The following TUB variants were observed in gnomAD, a reference collection of about 807,000 sequenced individuals.
TUB encodes tubby protein homolog.
A neutral mutation model predicts 59.7 loss-of-function variants in TUB; 33 were observed. The ratio of observed to expected loss-of-function variants is 0.55; its 90% CI spans 0.42 to 0.74. The LOEUF (loss-of-function observed/expected upper bound fraction) is 0.74, where lower values mean the gene tolerates loss of function less well. TUB is among the 30% of genes least tolerant of loss of function. The probability of loss-of-function intolerance (pLI) is 0.00; values close to 1 mark genes in which losing one functional copy is unlikely to be tolerated. For synonymous variants in TUB, 293 were observed against 256.4 expected (o/e 1.14, Z -1.36); for missense variants, 659 against 672.0 (o/e 0.98, Z 0.21).
chr11:8,041,656 C>A (rs966899573), intron 2 of TUB, among the ~76,000 whole-genome samples: 1 of 152,122 alleles, frequency 6.6e-6, no homozygotes, highest in East Asian at 1.9e-4. Flanking sequence ...TTCATAGAGA[C>A]CTCAGGCCCC....
chr11:8,089,546 G>A (rs1943731351), intron 1 of TUB, 64 bp from the exon 2 acceptor site: 1 of 1,593,320 alleles, frequency 6.3e-7, no homozygotes, highest in Non-Finnish European at 8.6e-7. Context: ...CTGGGGGTGG[G>A]CTCTGGGCTG....
At chr11:8,027,194 A>T (rs1942511726) in intron 1 of TUB, among the ~76,000 whole-genome samples, 1 of 152,240 alleles carries the variant, frequency 6.6e-6, no homozygotes, top group African/African-American at 2.4e-5. Context: ...GTATTGTGCA[A>T]CCATCACCAC....
rs144017550 is a variant in TUB, at chr11:8,061,018, C to T, written c.203+21326C>T. ...GTTTGCCCCTGCCTGCTGGCTGGCT[C>T]GTCCCCAGCCCCAGGCATCAGGGTG... On this transcript the variant is annotated intron_variant, in intron 2 of 12. Coordinates refer to the TUB transcript ENST00000305253. Among the ~76,000 whole-genome samples the T allele has an allele frequency of 5.6e-3, 847 of 152,306 alleles. 4 individuals are homozygous for T. Among genetic ancestry groups the T allele is most frequent in the African/African-American group, 0.019 (782 of 41,570 alleles).
At chr11:8,089,477 A>T in intron 1 of TUB, 133 bp from the exon 2 acceptor site, 1 of 1,069,848 alleles carries the variant, frequency 9.3e-7, no homozygotes. Context: ...TCCTTCTACC[A>T]TGTGGGCTCA....
intron 2 of TUB, among the ~76,000 whole-genome samples, chr11:8,046,880 A>G (rs140895929): frequency 0.014 from 2,076 of 152,334 alleles, 55 homozygotes; most frequent in African/African-American, 0.047. Context: ...TGGGCCACAC[A>G]TAAAATACAC....
chr11:8,039,488 C>T (rs766170203), intron 1 of TUB: 18 of 588,650 alleles, frequency 3.1e-5, no homozygotes, highest in Non-Finnish European at 4.7e-5. Context: ...TATGGAAGTC[C>T]CTCTACCCTG....
rs562418748 is a variant in TUB at position 8,043,112 on chromosome 11, GGT to G, written c.203+3424_203+3425del. On this transcript the variant is annotated intron_variant, in intron 2 of 12. Transcript: ENST00000305253. ...ATCATTTTGAGTTAATTTTGTTATTGGTGTGAGGTAGGGGTCCCAACTCATTC... is the reference window on the plus strand; with the variant it reads ...ATCATTTTGAGTTAATTTTGTTATTGGTGAGGTAGGGGTCCCAACTCATTC... Among the ~76,000 whole-genome samples the G allele has an allele frequency of 3.0e-3, 452 of 152,162 alleles. 3 individuals carry two copies. Among genetic ancestry groups the G allele is most frequent in the African/African-American group, 0.01 (418 of 41,526 alleles).
intron 9 of TUB, among the ~76,000 whole-genome samples, chr11:8,099,196 C>T (rs1944145132): frequency 6.6e-6 from 1 of 152,128 alleles, no homozygotes; most frequent in Non-Finnish European, 1.5e-5. Flanking sequence ...CAGATCATCC[C>T]TCTGGCATGC....
In TUB at chr11:8,092,964, AT is replaced by A. The variant is rs564719815; in HGVS notation, c.254-1080del. 1.6e-3 allele frequency among the ~76,000 whole-genome samples: 248 copies of A among 152,222 alleles called. 2 individuals carry two copies. Among genetic ancestry groups the A allele is most frequent in the Middle Eastern group, 6.8e-3 (2 of 294 alleles). ...CTATACTCATTCATGTTACACATTC[AT>A]TCAGTTCTTAAATATTTATTGAGGT... On this transcript the variant is annotated intron_variant, in intron 3 of 11. Coordinates refer to ENST00000299506, the MANE Select transcript of TUB (RefSeq NM_177972.3).
chr11:8,089,923 G>A lies in TUB; in HGVS notation c.91-146G>A, dbSNP rs868188740. Reference sequence around the variant, plus strand: ...CTGCCAGGGCAGCCACCTGGGCCCTGTTTTGCCTCCCTTTCCTGGACCCCA... The same window carrying A: ...CTGCCAGGGCAGCCACCTGGGCCCTATTTTGCCTCCCTTTCCTGGACCCCA... On this transcript the variant is annotated intron_variant, in intron 2 of 11. Coordinates refer to ENST00000299506, the MANE Select transcript of TUB (RefSeq NM_177972.3). The A allele has an allele frequency of 1.5e-5, 19 of 1,279,414 alleles. No individual in the cohort carries two copies. In the African/African-American group the frequency reaches 2.6e-4, roughly 17 times the overall value. The allele number at this position is 1,279,414 out of a possible 1,614,324, so 79.3% of individuals were successfully genotyped here.
At chr11:8,082,927 T>G (rs1206768408) in intron 1 of TUB, among the ~76,000 whole-genome samples, 1 of 152,150 alleles carries the variant, frequency 6.6e-6, no homozygotes, top group Non-Finnish European at 1.5e-5. Context: ...CACATACAGG[T>G]CACCCACAGG....
chr11:8,099,878 T>C lies in TUB; in HGVS notation c.1117-625T>C, dbSNP rs78056407. On this transcript the variant is annotated intron_variant, in intron 9 of 11. Coordinates refer to ENST00000299506, the MANE Select transcript of TUB (RefSeq NM_177972.3). ...CTGAATGCCTGGCATGAAGAAGGAA[T>C]GGAGTGGATACCAGGCAGTAAATGG... Among the ~76,000 whole-genome samples, 277 of 152,204 alleles carry C rather than the reference T, an allele frequency of 1.8e-3. 1 individual carries two copies. The highest frequency in any genetic ancestry group is 2.5e-3 in the Non-Finnish European group (169 of 67,980).
chr11:8,069,083 G>A (rs1161550607), intron 2 of TUB: 1 of 152,208 alleles, frequency 6.6e-6, no homozygotes, highest in East Asian at 1.9e-4. Context: ...TCTTTGAAAT[G>A]TTGGAGTGAG....
At chr11:8,090,464 T>G (rs1943750934) in intron 3 of TUB, among the ~76,000 whole-genome samples, 1 of 152,230 alleles carries the variant, frequency 6.6e-6, no homozygotes, top group South Asian at 2.1e-4. Flanking sequence ...GCCAGAAGCC[T>G]AAACCTTTTA....
chr11:8,088,737 G>A (rs969303715), intron 1 of TUB, among the ~76,000 whole-genome samples: 1 of 152,196 alleles, frequency 6.6e-6, no homozygotes, highest in Non-Finnish European at 1.5e-5. Flanking sequence ...TGTGTCTCTG[G>A]CTAGCAAAAA....
rs754313470 is a variant in TUB at position 8,100,624 on chromosome 11, C to T, written c.1215+23C>T. 12 of 1,604,650 alleles carry T rather than the reference C, an allele frequency of 7.5e-6. No homozygotes were observed. The East Asian group carries it at 8.9e-5, about 12-fold the overall frequency. On this transcript the variant is annotated intron_variant, in intron 10 of 11. Transcript: ENST00000299506. The stretch of plus-strand genomic sequence containing the variant: ...AACGTGAGTGTCTACCCCTTCCTCC[C>T]CTCTTTCCCCATCATCCTAGTCTCT...
At chr11:8,021,140 A>ATTGTAAAC (rs1554919108) in intron 1 of TUB, among the ~76,000 whole-genome samples, 2 of 152,216 alleles carry the variant, frequency 1.3e-5, no homozygotes, top group Non-Finnish European at 1.5e-5. Context: ...CCTGGGCCAC[A>ATTGTAAAC]GTTTCTTGGG....
upstream of TUB, among the ~76,000 whole-genome samples, chr11:8,081,021 C>G (rs902976231): frequency 2.0e-5 from 3 of 152,266 alleles, no homozygotes; most frequent in Admixed American, 6.5e-5. Context: ...GGGACTGGCC[C>G]GGCTGCAGCG....
chr11:8,058,284 A>G (rs1943055028), intron 2 of TUB, among the ~76,000 whole-genome samples: 1 of 152,134 alleles, frequency 6.6e-6, no homozygotes, highest in Admixed American at 6.5e-5. Flanking sequence ...TACAAAGGTA[A>G]TATACTGAAA....
Sources: gnomAD v4.1 joint callset for allele counts (sites outside exome capture counted in the v4.1 genomes callset) on GRCh38, gnomAD v4.1.1 for gene constraint, MANE v1.5 for transcripts, NCBI Gene and HGNC (gene_info 2026-07-23, HGNC 2026-07-21) for gene names.